Variants in DNER observed in about 807,000 individuals in gnomAD.
The protein encoded by DNER is delta/notch like EGF repeat containing, also known as delta and Notch-like epidermal growth factor-related receptor.
In DNER, 33 loss-of-function variants were observed where a neutral mutation model predicts 78.2. The ratio of observed to expected loss-of-function variants is 0.42; its 90% confidence interval spans 0.32 to 0.56. DNER has a LOEUF of 0.56. DNER is among the 20% of genes least tolerant of loss of function. DNER has a pLI of 0.11. For synonymous variants in DNER, 417 were observed against 384.8 expected (o/e 1.08, Z -0.98); for missense variants, 918 against 975.3 (o/e 0.94, Z 0.78).
At chr2:229,579,600 A>T (rs1697356492) in intron 4 of DNER, among the ~76,000 whole-genome samples, 1 of 151,750 alleles carries the variant, frequency 6.6e-6, no homozygotes, top group African/African-American at 2.4e-5. Flanking sequence ...TGAGGTTTTG[A>T]CTCTCTCCTG....
chr2:229,444,841 C>A (rs1655622931), intron 8 of DNER, among the ~76,000 whole-genome samples: 3 of 151,786 alleles, frequency 2.0e-5, no homozygotes, highest in Admixed American at 6.6e-5. Flanking sequence ...GCCTGGGCAA[C>A]AAGAGCAAAA....
In DNER at chr2:229,492,620, G is replaced by T. The variant is rs1199252926; in HGVS notation, c.1148-15367C>A. ...ATATTGCTTCCATGCTTCACACAGA[G>T]GTGAGTTCTGAGGTTTCTGCCAGTC... On this transcript the variant is annotated intron_variant, in intron 6 of 12. Transcript: ENST00000341772. 3.3e-5 allele frequency among the ~76,000 whole-genome samples: 5 copies of T among 152,234 alleles called. No homozygotes were observed. In the East Asian group the frequency reaches 9.7e-4, roughly 29 times the overall value.
chr2:229,671,793 T>C (rs74678818), intron 1 of DNER, among the ~76,000 whole-genome samples: 2,595 of 152,336 alleles, frequency 0.017, 92 homozygotes, highest in African/African-American at 0.059. Flanking sequence ...TCTCTACATA[T>C]GCTTCATGGT....
chr2:229,535,580 T>C (rs1364594656), intron 5 of DNER, among the ~76,000 whole-genome samples: 1 of 152,096 alleles, frequency 6.6e-6, no homozygotes, highest in East Asian at 1.9e-4. Flanking sequence ...CTTGGACACA[T>C]GTAACTGGTC....
rs544911806 is a variant in DNER, at chr2:229,432,337, C to G, written c.1487-14107G>C. ...CAGAAGTTTTTCATTATGGGATGCA[C>G]AAAGATGGGTGCTGGGGCCAGCAAA... On this transcript the variant is annotated intron_variant, in intron 8 of 12. Transcript: ENST00000341772. 4.0e-5 allele frequency among the ~76,000 whole-genome samples: 6 copies of G among 151,840 alleles called. No homozygotes were observed. The South Asian group carries it at 8.3e-4, about 21-fold the overall frequency.
intron 12 of DNER, among the ~76,000 whole-genome samples, chr2:229,359,391 G>A (rs972483440): frequency 6.6e-6 from 1 of 152,122 alleles, no homozygotes; most frequent in Non-Finnish European, 1.5e-5. Context: ...CAAACCTGTC[G>A]TAAGGTGGCA....
chr2:229,605,986 A>G (rs1465346), intron 1 of DNER, among the ~76,000 whole-genome samples: 98,907 of 152,142 alleles, frequency 0.65, 32,484 homozygotes, highest in African/African-American at 0.75. Context: ...TTCACCATTC[A>G]AGATTTTAAT....
chr2:229,361,375 C>T (rs1476444743), intron 12 of DNER, among the ~76,000 whole-genome samples: 1 of 152,050 alleles, frequency 6.6e-6, no homozygotes. Context: ...AAATTGGAAG[C>T]TAGAGAAAAT....
In DNER at chr2:229,413,321, C is replaced by CTTTTTTTTTTTTTTTTTTT; in HGVS notation, c.1609+4768_1609+4786dup. Among the ~76,000 whole-genome samples, 157 of 67,772 alleles carry CTTTTTTTTTTTTTTTTTTT rather than the reference C, an allele frequency of 2.3e-3. 10 individuals are homozygous for CTTTTTTTTTTTTTTTTTTT. The highest frequency in any genetic ancestry group is 3.2e-3 in the African/African-American group (66 of 20,338). The allele number at this position is 67,772 out of a possible 152,430, so 44.5% of individuals were successfully genotyped here. Reference sequence around the variant, plus strand: ...TGCTTTTCTTTTTCTTTTTCTTCTTCTTTTTTTTTTTTTTTTTTTTTGACG... The same window carrying CTTTTTTTTTTTTTTTTTTT: ...TGCTTTTCTTTTTCTTTTTCTTCTTCTTTTTTTTTTTTTTTTTTTTTTTTTTTTTTTTTTTTTTTTGACG... On this transcript the variant is annotated intron_variant, in intron 9 of 12. Coordinates refer to ENST00000341772, the MANE Select transcript of DNER (RefSeq NM_139072.4).
chr2:229,444,755 G>A (rs1694305777), intron 8 of DNER, among the ~76,000 whole-genome samples: 1 of 152,090 alleles, frequency 6.6e-6, no homozygotes, highest in Admixed American at 6.5e-5. Flanking sequence ...AGGGTGTGGT[G>A]GTGGGAGCCT....
intron 11 of DNER, among the ~76,000 whole-genome samples, chr2:229,369,842 G>A (rs998433613): frequency 2.6e-5 from 4 of 152,144 alleles, no homozygotes; most frequent in Non-Finnish European, 5.9e-5. Context: ...AGCTAGGTAA[G>A]ACCAAACAGA....
chr2:229,400,143 T>C (rs1693236672), intron 10 of DNER, among the ~76,000 whole-genome samples: 1 of 152,030 alleles, frequency 6.6e-6, no homozygotes. Context: ...AGTATTTGGT[T>C]GTTGGTGTGA....
chr2:229,561,204 T>C (rs1345282869), intron 4 of DNER, among the ~76,000 whole-genome samples: 1 of 152,144 alleles, frequency 6.6e-6, no homozygotes, highest in African/African-American at 2.4e-5. Flanking sequence ...GACACAACAG[T>C]ACATCCCAGA....
At chr2:229,631,890 G>A (rs1395258412) in intron 1 of DNER, among the ~76,000 whole-genome samples, 2 of 152,210 alleles carry the variant, frequency 1.3e-5, no homozygotes, top group Non-Finnish European at 2.9e-5. Flanking sequence ...AATTAAACGA[G>A]CTAACAAAAG....
At chr2:229,364,923 T>C (rs1483174828) in intron 12 of DNER, among the ~76,000 whole-genome samples, 1 of 139,718 alleles carries the variant, frequency 7.2e-6, no homozygotes, top group Non-Finnish European at 1.5e-5. Context: ...TCATCTCAGC[T>C]CACTGCAACC....
chr2:229,599,876 A>C (rs1314911815), intron 1 of DNER, among the ~76,000 whole-genome samples: 1 of 152,182 alleles, frequency 6.6e-6, no homozygotes, highest in African/African-American at 2.4e-5. Flanking sequence ...TTATGTATTT[A>C]TTTGTATGTA....
chr2:229,463,866 G>A (rs1392864063), intron 7 of DNER, among the ~76,000 whole-genome samples: 2 of 152,232 alleles, frequency 1.3e-5, no homozygotes, highest in Non-Finnish European at 2.9e-5. Context: ...TTGAGATAAT[G>A]AGAGAACACG....
In DNER at chr2:229,401,549, C is replaced by T. The variant is rs564396965; in HGVS notation, c.1723+5683G>A. Among the ~76,000 whole-genome samples the T allele has an allele frequency of 1.3e-4, 20 of 151,632 alleles. No individual in the cohort carries two copies. In the East Asian group the frequency reaches 3.5e-3, roughly 26 times the overall value. ...ACCTGGATGCATCTCCAAAGAATCA[C>T]GCTGAGTAGAAAAAAAAATCAATCT... On this transcript the variant is annotated intron_variant, in intron 10 of 12. Transcript: ENST00000341772.
In DNER at chr2:229,567,366, T is replaced by C. The variant is rs576142985; in HGVS notation, c.847+18492A>G. The stretch of plus-strand genomic sequence containing the variant: ...CTCCAAGCAGGTGCCTAGTGCACAG[T>C]AGGCACTCAGAAAACATTTTGAAAG... On this transcript the variant is annotated intron_variant, in intron 4 of 12. Coordinates refer to ENST00000341772, the MANE Select transcript of DNER (RefSeq NM_139072.4). Among the ~76,000 whole-genome samples, 5 of 152,280 alleles carry C rather than the reference T, an allele frequency of 3.3e-5. No homozygotes were observed. The South Asian group carries it at 8.3e-4, about 25-fold the overall frequency.
Sources: allele counts gnomAD v4.1 joint callset (sites outside exome capture counted in the v4.1 genomes callset), GRCh38; gene constraint gnomAD v4.1.1; transcripts MANE v1.5; gene names NCBI Gene and HGNC (gene_info 2026-07-23, HGNC 2026-07-21).